The following KCNK10 variants were observed in gnomAD, a reference collection of about 807,000 sequenced individuals.
KCNK10 encodes potassium two pore domain channel subfamily K member 10.
In KCNK10, 25 loss-of-function variants were observed where a neutral mutation model predicts 47.7. The observed-to-expected ratio is 0.52, with a 90% CI of 0.38 to 0.73. The LOEUF is 0.73. Ranked by LOEUF, KCNK10 falls within the 30% of genes least tolerant of loss-of-function variation. The pLI, the probability that KCNK10 is intolerant of heterozygous loss-of-function variation, is 0.00. For missense variants in KCNK10, 563 were observed against 714.5 expected, an observed-to-expected ratio of 0.79 and a Z score of 2.42; for synonymous variants, 303 against 285.6, an observed-to-expected ratio of 1.06 and a Z score of -0.61.
upstream of KCNK10, chr14:88,326,584 A>C: frequency 2.8e-6 from 2 of 712,606 alleles, no homozygotes; most frequent in Non-Finnish European, 4.8e-6. Flanking sequence ...GGAAAACAAA[A>C]CATCGTGGCG....
At chr14:88,229,525 T>C (rs1886096102) in intron 3 of KCNK10, among the ~76,000 whole-genome samples, 1 of 152,158 alleles carries the variant, frequency 6.6e-6, no homozygotes, top group Non-Finnish European at 1.5e-5. Context: ...TGTTCAGTGT[T>C]TTGTTGACTA....
chr14:88,318,316 C>G (rs1365015500), intron 1 of KCNK10, among the ~76,000 whole-genome samples: 2 of 152,326 alleles, frequency 1.3e-5, no homozygotes, highest in Admixed American at 6.5e-5. Flanking sequence ...CAGGCACTTT[C>G]CAGGGCACTG....
At chr14:88,187,698 T>G (rs1884615561) in intron 6 of KCNK10, among the ~76,000 whole-genome samples, 1 of 151,380 alleles carries the variant, frequency 6.6e-6, no homozygotes, top group Non-Finnish European at 1.5e-5. Flanking sequence ...TAAAATCAGC[T>G]GTTGTTTACT....
At chr14:88,312,728 A>T (rs1337710063) in intron 1 of KCNK10, among the ~76,000 whole-genome samples, 3 of 152,180 alleles carry the variant, frequency 2.0e-5, no homozygotes, top group East Asian at 1.9e-4. Context: ...TCTTTTTTTT[A>T]AATTAATGTT....
chr14:88,209,895 T>A (rs1885400092), intron 4 of KCNK10, among the ~76,000 whole-genome samples: 1 of 152,236 alleles, frequency 6.6e-6, no homozygotes, highest in Admixed American at 6.5e-5. Context: ...CCTACAGGGA[T>A]ACAGGCCAAT....
At chr14:88,245,198 G>A (rs953768859) in intron 2 of KCNK10, among the ~76,000 whole-genome samples, 4 of 152,120 alleles carry the variant, frequency 2.6e-5, no homozygotes, top group Non-Finnish European at 5.9e-5. Flanking sequence ...TCTAAAATTA[G>A]ACAAACACAA....
intron 2 of KCNK10, among the ~76,000 whole-genome samples, chr14:88,259,096 C>A (rs532186393): frequency 1.2e-4 from 18 of 152,242 alleles, no homozygotes; most frequent in Non-Finnish European, 2.6e-4. Flanking sequence ...CACTGAAAAC[C>A]CTTCCAGATG....
intron 1 of KCNK10, among the ~76,000 whole-genome samples, chr14:88,304,176 G>A (rs1411801182): frequency 3.9e-5 from 6 of 152,056 alleles, no homozygotes; most frequent in African/African-American, 1.5e-4. Flanking sequence ...TTAGCCAGGT[G>A]TGGTGGCATG....
At chr14:88,214,249 C>T (rs1885549950) in intron 4 of KCNK10, among the ~76,000 whole-genome samples, 2 of 152,028 alleles carry the variant, frequency 1.3e-5, no homozygotes, top group Non-Finnish European at 2.9e-5. Context: ...ACTCTATGCT[C>T]TTAAAACCAT....
At chr14:88,321,370 C>T (rs1228093855) in intron 1 of KCNK10, among the ~76,000 whole-genome samples, 1 of 152,198 alleles carries the variant, frequency 6.6e-6, no homozygotes, top group Non-Finnish European at 1.5e-5. Flanking sequence ...CTGGAGCATA[C>T]ATAAACTTTG....
chr14:88,269,120 A>T (rs777700821), intron 1 of KCNK10, among the ~76,000 whole-genome samples: 4 of 152,256 alleles, frequency 2.6e-5, no homozygotes, highest in Non-Finnish European at 4.4e-5. Context: ...CCTGGGTGAC[A>T]AGAGATAAAT....
Position 88,203,287 on chromosome 14 carries a change from T to C in KCNK10, c.682-10877A>G, listed in dbSNP as rs184343194. 3.0e-4 allele frequency among the ~76,000 whole-genome samples: 46 copies of C among 152,382 alleles called. 1 individual carries two copies. Among genetic ancestry groups the C allele is most frequent in the Admixed American group, 2.8e-3 (43 of 15,310 alleles). ...TTTTTAACAAGGTACCTTCCCAGTT[T>C]GGGTTTCCAACCATCCCAAGGATTT... On this transcript the variant is annotated intron_variant, in intron 4 of 6. Coordinates refer to ENST00000319231, the MANE Select transcript of KCNK10 (RefSeq NM_138317.3).
chr14:88,222,754 A>T (rs1885858244), intron 4 of KCNK10, among the ~76,000 whole-genome samples: 1 of 152,158 alleles, frequency 6.6e-6, no homozygotes, highest in East Asian at 1.9e-4. Flanking sequence ...GTATTTCCTG[A>T]TATGAGGTTG....
Position 88,185,348 on chromosome 14 carries a change from G to T in KCNK10, c.*187C>A. The T allele has an allele frequency of 1.2e-6, 1 of 831,488 alleles. No individual in the cohort carries two copies. The highest frequency in any genetic ancestry group is 1.8e-6 in the Non-Finnish European group (1 of 553,808). 51.5% of individuals were successfully genotyped at this position (831,488 alleles called of 1,614,324 possible). On this transcript the variant is annotated 3_prime_UTR_variant, in exon 7 of 7. Coordinates refer to ENST00000319231, the MANE Select transcript of KCNK10 (RefSeq NM_138317.3). The surrounding 1 kb of genome is among the most constrained non-coding windows in gnomAD (Gnocchi z 4.3). Reference sequence around the variant, plus strand: ...TCCTGCGTTTGCTATCTGAAATGAAGTTCTTGTTCTCTGATTCCTTTTGGC... The same window carrying T: ...TCCTGCGTTTGCTATCTGAAATGAATTTCTTGTTCTCTGATTCCTTTTGGC...
chr14:88,326,586 A>C, upstream of KCNK10: 11 of 691,684 alleles, frequency 1.6e-5, no homozygotes, highest in Non-Finnish European at 2.5e-5. Flanking sequence ...AAAACAAAAC[A>C]TCGTGGCGCA....
upstream of KCNK10, among the ~76,000 whole-genome samples, chr14:88,323,977 C>T (rs1888610052): frequency 6.6e-6 from 1 of 152,222 alleles, no homozygotes; most frequent in African/African-American, 2.4e-5. Flanking sequence ...GCTGCGCTCT[C>T]CCCGCCCGGG....
At chr14:88,226,236 A>T (rs1319935982) in intron 4 of KCNK10, among the ~76,000 whole-genome samples, 1 of 152,252 alleles carries the variant, frequency 6.6e-6, no homozygotes, top group Non-Finnish European at 1.5e-5. Context: ...GTGAGATTAT[A>T]AAATGGCTCA....
chr14:88,275,372 C>A (rs962266232), intron 1 of KCNK10, among the ~76,000 whole-genome samples: 2 of 152,146 alleles, frequency 1.3e-5, no homozygotes, highest in Non-Finnish European at 2.9e-5. Context: ...ATCCCACACA[C>A]AACCCAGCCA....
rs373175072 is a variant in KCNK10, at chr14:88,251,806, A to T, written c.403-10986T>A. On this transcript the variant is annotated intron_variant, in intron 2 of 6. Coordinates refer to ENST00000319231, the MANE Select transcript of KCNK10 (RefSeq NM_138317.3). ...AATTGCTTTCTAAGTTCCCTTTGCT[A>T]AATGCCCTTTGGCCACATTTGCTCA... Among the ~76,000 whole-genome samples the T allele has an allele frequency of 1.8e-4, 27 of 152,302 alleles. 1 individual carries two copies. Among genetic ancestry groups the T allele is most frequent in the African/African-American group, 6.5e-4 (27 of 41,552 alleles).
Sources: allele counts gnomAD v4.1 joint callset (sites outside exome capture counted in the v4.1 genomes callset), GRCh38; gene constraint gnomAD v4.1.1; non-coding constraint Gnocchi (gnomAD v3.1); transcripts MANE v1.5; gene names NCBI Gene and HGNC (gene_info 2026-07-23, HGNC 2026-07-21).